The following CACNA1E variants were observed in gnomAD, a reference collection of about 807,000 sequenced individuals.
CACNA1E encodes the protein voltage-dependent R-type calcium channel subunit alpha-1E.
Under a neutral mutation model 259.2 loss-of-function variants are expected in CACNA1E, and 40 were observed. The observed-to-expected ratio is 0.15, with a 90% CI of 0.12 to 0.20. The LOEUF is 0.20. CACNA1E is among the 10% of genes least tolerant of loss of function. The probability of loss-of-function intolerance (pLI) is 1.00; values close to 1 mark genes in which losing one functional copy is unlikely to be tolerated. For synonymous variants in CACNA1E, 1,104 were observed against 1,138.5 expected (o/e 0.97, Z 0.61); for missense variants, 1,874 against 3,040.1 (o/e 0.62, Z 9.02).
chr1:181,639,203 T>C (rs1369305769), intron 6 of CACNA1E, among the ~76,000 whole-genome samples: 1 of 152,104 alleles, frequency 6.6e-6, no homozygotes, highest in East Asian at 1.9e-4. Context: ...TTCTCCTGCG[T>C]CAGCCTCCCA....
At chr1:181,752,025 C>G in intron 26 of CACNA1E, 118 bp from the exon 27 acceptor site, 1 of 782,746 alleles carries the variant, frequency 1.3e-6, no homozygotes, top group Non-Finnish European at 2.2e-6. Context: ...GGCTTCTTGC[C>G]TCCATCTCTC....
intron 3 of CACNA1E, among the ~76,000 whole-genome samples, chr1:181,529,252 G>A (rs1484629434): frequency 6.6e-6 from 1 of 152,150 alleles, no homozygotes; most frequent in Non-Finnish European, 1.5e-5. Context: ...TGAGTCTGAG[G>A]TGCACAGAAG....
intron 1 of CACNA1E, among the ~76,000 whole-genome samples, chr1:181,370,014 C>G (rs1420445641): frequency 6.6e-6 from 1 of 151,890 alleles, no homozygotes. Flanking sequence ...TCCATGTGTA[C>G]TCAACTTTGT....
intron 2 of CACNA1E, among the ~76,000 whole-genome samples, chr1:181,420,227 T>C (rs1000845055): frequency 5.3e-5 from 8 of 152,162 alleles, no homozygotes; most frequent in African/African-American, 1.9e-4. Flanking sequence ...CTCCTGCATT[T>C]TTTTTTTGTC....
intron 2 of CACNA1E, among the ~76,000 whole-genome samples, chr1:181,473,196 T>G (rs1039518247): frequency 2.5e-4 from 38 of 152,226 alleles, no homozygotes; most frequent in African/African-American, 9.1e-4. Context: ...CTCCCTGAAC[T>G]CCCTTACTGA....
At chr1:181,562,102 T>C (rs1483480889) in intron 3 of CACNA1E, among the ~76,000 whole-genome samples, 1 of 152,172 alleles carries the variant, frequency 6.6e-6, no homozygotes, top group East Asian at 1.9e-4. Flanking sequence ...TGTTTTATTA[T>C]TTAGTTGTAG....
At chr1:181,542,397 G>A (rs1363741845) in intron 3 of CACNA1E, among the ~76,000 whole-genome samples, 1 of 152,140 alleles carries the variant, frequency 6.6e-6, no homozygotes, top group African/African-American at 2.4e-5. Context: ...AAGAAATAGT[G>A]GCTGATATTG....
chr1:181,345,234 T>C (rs962926409), intron 1 of CACNA1E, among the ~76,000 whole-genome samples: 1 of 152,260 alleles, frequency 6.6e-6, no homozygotes, highest in African/African-American at 2.4e-5. Context: ...TCGGCTGTGC[T>C]GATTGATGCT....
chr1:181,319,088 G>C (rs1650149606), intron 1 of CACNA1E, among the ~76,000 whole-genome samples: 1 of 152,322 alleles, frequency 6.6e-6, no homozygotes, highest in African/African-American at 2.4e-5. Flanking sequence ...AGTCGTGTCT[G>C]TGAGTCTGGC....
chr1:181,470,132 C>A (rs1662404427), intron 2 of CACNA1E, among the ~76,000 whole-genome samples: 1 of 151,944 alleles, frequency 6.6e-6, no homozygotes, highest in South Asian at 2.1e-4. Context: ...CACGAGAGCA[C>A]ACAAGTGAGC....
intron 29 of CACNA1E, 148 bp from the exon 30 acceptor site, chr1:181,756,777 A>G (rs779295940): frequency 3.2e-6 from 2 of 622,922 alleles, no homozygotes; most frequent in South Asian, 3.9e-5. Flanking sequence ...ATAGCAGGAT[A>G]TGACAACTTG....
intron 2 of CACNA1E, among the ~76,000 whole-genome samples, chr1:181,467,932 G>T (rs1252811522): frequency 6.6e-6 from 1 of 152,192 alleles, no homozygotes; most frequent in Admixed American, 6.5e-5. Flanking sequence ...ACAGGCCAGG[G>T]ATGCTGCTGA....
At chr1:181,649,067 G>A (rs1210161706) in intron 6 of CACNA1E, among the ~76,000 whole-genome samples, 2 of 152,170 alleles carry the variant, frequency 1.3e-5, no homozygotes, top group Non-Finnish European at 2.9e-5. Context: ...AGCTCATAGG[G>A]AAGGTCCATG....
intron 6 of CACNA1E, among the ~76,000 whole-genome samples, chr1:181,648,889 G>A (rs1184775161): frequency 2.0e-4 from 30 of 152,088 alleles, no homozygotes; most frequent in Admixed American, 1.9e-3. Context: ...AGGAATGTTG[G>A]GGTGCTGGGG....
chr1:181,514,535 C>T (rs1200926034), intron 3 of CACNA1E, among the ~76,000 whole-genome samples: 2 of 152,196 alleles, frequency 1.3e-5, no homozygotes, highest in Non-Finnish European at 2.9e-5. Flanking sequence ...CTGGTGTCCC[C>T]CTTTGTCTTC....
intron 32 of CACNA1E, among the ~76,000 whole-genome samples, chr1:181,760,972 C>G (rs1295791606): frequency 6.6e-6 from 1 of 152,138 alleles, no homozygotes; most frequent in Non-Finnish European, 1.5e-5. Context: ...GGAAGTTCAC[C>G]CCAGGTTGGA....
chr1:181,573,122 C>G (rs1472134471), intron 3 of CACNA1E, among the ~76,000 whole-genome samples: 1 of 152,044 alleles, frequency 6.6e-6, no homozygotes, highest in Non-Finnish European at 1.5e-5. Flanking sequence ...TTTTTCTGAG[C>G]TTTGGCTTGC....
At chr1:181,639,255 T>C (rs551084339) in intron 6 of CACNA1E, among the ~76,000 whole-genome samples, 220 of 152,254 alleles carry the variant, frequency 1.4e-3, no homozygotes, top group African/African-American at 5.0e-3. Context: ...GCCCGGCTAA[T>C]TTTTTCGTAT....
chr1:181,400,258 C>T (rs1323559562), intron 1 of CACNA1E, among the ~76,000 whole-genome samples: 1 of 152,118 alleles, frequency 6.6e-6, no homozygotes, highest in East Asian at 1.9e-4. Flanking sequence ...TATGTTTTAC[C>T]TTATTTCTAG....
Sources: gnomAD v4.1 joint callset for allele counts (sites outside exome capture counted in the v4.1 genomes callset) on GRCh38, gnomAD v4.1.1 for gene constraint, MANE v1.5 for transcripts, NCBI Gene and HGNC (gene_info 2026-07-23, HGNC 2026-07-21) for gene names.